The following TMEM184B variants were observed in gnomAD, a reference collection of about 807,000 sequenced individuals.
The protein encoded by TMEM184B is putative MAPK-activating protein FM08.
Under a neutral mutation model 41.8 loss-of-function variants are expected in TMEM184B, and 17 were observed. The observed-to-expected ratio is 0.41, with a 90% CI of 0.28 to 0.61. TMEM184B has a LOEUF of 0.61. Among genes scored for constraint, TMEM184B ranks in the 20% least tolerant of loss-of-function variants. TMEM184B has a pLI of 0.34. For missense variants in TMEM184B, 393 were observed against 557.8 expected (o/e 0.70, Z 2.98); for synonymous variants, 240 against 229.5 (o/e 1.05, Z -0.41).
At position 38,272,654 on chromosome 22, in the gene TMEM184B, C is replaced by A. The variant is rs374659484; in HGVS notation, c.-59+230G>T. 1.1e-4 allele frequency: 104 copies of A among 985,522 alleles called. 1 individual carries two copies. In the East Asian group the frequency reaches 8.6e-3, roughly 82 times the overall value. The allele number at this position is 985,522 out of a possible 1,614,324, so 61.0% of individuals were successfully genotyped here. A position where few individuals can be genotyped will look rare whatever the true frequency, so the allele number is the denominator to read the frequency against. ...CCGCCACGTTGGCGTGGAAAGGGAG[C>A]GGGCACACCCACGGGCGACCTCGCG... On this transcript the variant is annotated intron_variant, in intron 1 of 8. Coordinates refer to ENST00000361906, the MANE Select transcript of TMEM184B (RefSeq NM_012264.5).
chr22:38,259,307 C>G (rs2092333387), intron 1 of TMEM184B, among the ~76,000 whole-genome samples: 1 of 152,170 alleles, frequency 6.6e-6, no homozygotes, highest in African/African-American at 2.4e-5. Context: ...AATAATCCCC[C>G]AAAGATGTTG....
In TMEM184B at chr22:38,220,726, C is replaced by A; in HGVS notation, c.*743G>T. 1.0e-6 allele frequency: 1 copy of A among 986,400 alleles called. No homozygotes were observed. Among genetic ancestry groups the A allele is most frequent in the Non-Finnish European group, 1.2e-6 (1 of 830,348 alleles). 61.1% of individuals were successfully genotyped at this position (986,400 alleles called of 1,614,324 possible). A position where few individuals can be genotyped will look rare whatever the true frequency, so the allele number is the denominator to read the frequency against. ...GACCCAAGTGAGCCGGCAGTGCGGGCTGTGGGCTGTCCTTGGTAGGCCAGG... is the reference window on the plus strand; with the variant it reads ...GACCCAAGTGAGCCGGCAGTGCGGGATGTGGGCTGTCCTTGGTAGGCCAGG... On this transcript the variant is annotated 3_prime_UTR_variant, in exon 9 of 9. Transcript: ENST00000361906.
At chr22:38,230,216 T>C (rs926740697) in intron 5 of TMEM184B, among the ~76,000 whole-genome samples, 8 of 147,712 alleles carry the variant, frequency 5.4e-5, no homozygotes, top group East Asian at 2.0e-4. Flanking sequence ...CACAGGGAAG[T>C]CAGCCCAGGA....
chr22:38,273,005 T>G lies in TMEM184B; in HGVS notation c.-180A>C, dbSNP rs925592094. Reference sequence around the variant, plus strand: ...CGCCGCCGGCGCGTCCCGGGCCCAGTGGAGTGCAGCCGCGGCGCGCATGCG... The same window carrying G: ...CGCCGCCGGCGCGTCCCGGGCCCAGGGGAGTGCAGCCGCGGCGCGCATGCG... On this transcript the variant is annotated 5_prime_UTR_variant, in exon 1 of 9. Coordinates refer to ENST00000361906, the MANE Select transcript of TMEM184B (RefSeq NM_012264.5). 2.9e-5 allele frequency: 5 copies of G among 174,056 alleles called. No homozygotes were observed. The highest frequency in any genetic ancestry group is 9.6e-5 in the African/African-American group (4 of 41,632). The allele number at this position is 174,056 out of a possible 1,614,324, so 10.8% of individuals were successfully genotyped here. A position where few individuals can be genotyped will look rare whatever the true frequency, so the allele number is the denominator to read the frequency against.
downstream of TMEM184B, chr22:38,219,220 C>A: frequency 1.0e-6 from 1 of 981,360 alleles, no homozygotes; most frequent in Non-Finnish European, 1.2e-6. Context: ...CCTGTACCCA[C>A]AGCCACTCCA....
At chr22:38,228,893 C>T (rs1359484101) in intron 5 of TMEM184B, among the ~76,000 whole-genome samples, 1 of 152,240 alleles carries the variant, frequency 6.6e-6, no homozygotes, top group East Asian at 1.9e-4. Flanking sequence ...ATATAATCAT[C>T]AAACAAGGCA....
At chr22:38,262,212 C>G (rs775244873) in intron 1 of TMEM184B, among the ~76,000 whole-genome samples, 1 of 152,202 alleles carries the variant, frequency 6.6e-6, no homozygotes, top group Non-Finnish European at 1.5e-5. Context: ...GCAGGCACCA[C>G]GCGAAAGTGC....
chr22:38,260,242 G>A (rs1041273425), intron 1 of TMEM184B, among the ~76,000 whole-genome samples: 4 of 152,010 alleles, frequency 2.6e-5, no homozygotes, highest in African/African-American at 7.2e-5. Context: ...TTTTGTTAGA[G>A]ACAGGGTTTC....
At chr22:38,233,911 A>G (rs1415452970) in intron 3 of TMEM184B, among the ~76,000 whole-genome samples, 2 of 152,134 alleles carry the variant, frequency 1.3e-5, no homozygotes, top group Non-Finnish European at 1.5e-5. Flanking sequence ...CTGGGATTAC[A>G]GGCGCACACC....
intron 5 of TMEM184B, among the ~76,000 whole-genome samples, chr22:38,229,289 G>A (rs2091542287): frequency 6.6e-6 from 1 of 152,218 alleles, no homozygotes; most frequent in African/African-American, 2.4e-5. Context: ...ATGAAGAGTG[G>A]GCGTGATCCC....
Position 38,221,547 on chromosome 22 carries a change from G to C in TMEM184B, c.1146C>G (p.Gly382=), listed in dbSNP as rs2091260177. The change falls in exon 9 of 9, where the codon GGC becomes GGG. Residue 382 remains glycine, a synonymous_variant. Coordinates refer to ENST00000361906, the MANE Select transcript of TMEM184B (RefSeq NM_012264.5). ...PGPTWRGGAH[G]LSRSHSLSGA... is the part of the protein sequence containing the mutation. Reference sequence around the variant, plus strand: ...CACTGAGGCTGTGGGAGCGGGAGAGGCCGTGGGCGCCACCACGCCAGGTGG... The same window carrying C: ...CACTGAGGCTGTGGGAGCGGGAGAGCCCGTGGGCGCCACCACGCCAGGTGG... The C allele has an allele frequency of 6.2e-7, 1 of 1,613,924 alleles. No homozygotes were observed.
intron 1 of TMEM184B, among the ~76,000 whole-genome samples, chr22:38,269,338 A>G (rs1328198087): frequency 6.6e-6 from 1 of 152,184 alleles, no homozygotes; most frequent in East Asian, 1.9e-4. Flanking sequence ...CTCCTGCCTT[A>G]GCCTCCCAAG....
Position 38,221,428 on chromosome 22 carries a change from C to A in TMEM184B, c.*41G>T. ...GGCTGGAGGTGGGGCACAGCCTGAC[C>A]GTGGCTATGGCGCCAGCACTTCCGC... On this transcript the variant is annotated 3_prime_UTR_variant, in exon 9 of 9. Coordinates refer to ENST00000361906, the MANE Select transcript of TMEM184B (RefSeq NM_012264.5). 1 of 1,557,462 alleles carries A rather than the reference C, an allele frequency of 6.4e-7. No homozygotes were observed.
chr22:38,256,691 G>A (rs1279762371), intron 1 of TMEM184B, among the ~76,000 whole-genome samples: 1 of 152,170 alleles, frequency 6.6e-6, no homozygotes, highest in Non-Finnish European at 1.5e-5. Flanking sequence ...GGAACAAATA[G>A]TGTAATGAAT....
At chr22:38,256,069 G>T (rs998062278) in intron 1 of TMEM184B, among the ~76,000 whole-genome samples, 2 of 152,124 alleles carry the variant, frequency 1.3e-5, no homozygotes, top group East Asian at 3.9e-4. Flanking sequence ...AGTACTGTTG[G>T]GCTGGGCATG....
chr22:38,245,480 G>A (rs1470319949), intron 3 of TMEM184B, among the ~76,000 whole-genome samples: 2 of 147,802 alleles, frequency 1.4e-5, no homozygotes, highest in Non-Finnish European at 3.0e-5. Context: ...AGACCCAGGG[G>A]GAGGGCCCTT....
chr22:38,224,321 A>G (rs570801386), intron 8 of TMEM184B, among the ~76,000 whole-genome samples: 3 of 152,186 alleles, frequency 2.0e-5, no homozygotes, highest in Non-Finnish European at 2.9e-5. Context: ...TCACCGTGTT[A>G]GCCAGGATGG....
rs367616345 is a variant in TMEM184B at position 38,221,655 on chromosome 22, C to A, written c.1038G>T (p.Pro346=). 11 of 1,613,962 alleles carry A rather than the reference C, an allele frequency of 6.8e-6. No homozygotes were observed. The highest frequency in any genetic ancestry group is 8.5e-6 in the Non-Finnish European group (10 of 1,179,996). Reference sequence around the variant, plus strand: ...GGATGGCGTCCTGCACGATGTCGTGCGGGTTCATGGTCTCCTTGAGGCTGC... The same window carrying A: ...GGATGGCGTCCTGCACGATGTCGTGAGGGTTCATGGTCTCCTTGAGGCTGC... ...ISSSLKETMN[P]HDIVQDAIHN... Residue 346 remains proline, a synonymous_variant, in exon 9 of 9, where the codon CCG becomes CCT. Transcript: ENST00000361906.
intron 3 of TMEM184B, among the ~76,000 whole-genome samples, chr22:38,240,732 C>CAAAAA (rs550793359): frequency 2.3e-4 from 15 of 66,552 alleles, no homozygotes; most frequent in African/African-American, 7.9e-4. Context: ...GAAAAAAAGG[C>CAAAAA]AAAAAAAAAA....
Sources: gnomAD v4.1 joint callset for allele counts (sites outside exome capture counted in the v4.1 genomes callset) on GRCh38, gnomAD v4.1.1 for gene constraint, MANE v1.5 for transcripts, NCBI Gene and HGNC (gene_info 2026-07-23, HGNC 2026-07-21) for gene names.